The following MBD5 variants were observed in gnomAD, a reference collection of about 807,000 sequenced individuals.
MBD5 encodes methyl-CpG binding domain protein 5.
A neutral mutation model predicts 117.3 loss-of-function variants in MBD5; 13 were observed. The observed-to-expected ratio is 0.11, with a 90% CI of 0.07 to 0.18. MBD5 has a LOEUF of 0.18. Ranked by LOEUF, MBD5 falls within the 10% of genes least tolerant of loss-of-function variation. MBD5 has a pLI of 1.00. For missense variants in MBD5, 1,879 were observed against 2,093.8 expected (o/e 0.90, Z 2.00); for synonymous variants, 727 against 766.4 (o/e 0.95, Z 0.85).
At chr2:148,429,658 A>C (rs1559067880) in intron 4 of MBD5, among the ~76,000 whole-genome samples, 1 of 152,190 alleles carries the variant, frequency 6.6e-6, no homozygotes. Context: ...ATGGAATGCT[A>C]TGCAGCCATG....
chr2:148,042,825 AT>A (rs1694401747), intron 1 of MBD5, among the ~76,000 whole-genome samples: 1 of 152,174 alleles, frequency 6.6e-6, no homozygotes, highest in South Asian at 2.1e-4. Context: ...GCTGAAAGAA[AT>A]TTTACAAATA....
rs1269604835 is a variant in MBD5 at position 148,370,658 on chromosome 2, T to C, written c.-557+28322T>C. ...TGTGCACCACTACACTTGGCTAATG[T>C]ATGTATTTTTAGTAGAGACAGGGTT... On this transcript the variant is annotated intron_variant, in intron 4 of 13. Coordinates refer to ENST00000642680, the MANE Select transcript of MBD5 (RefSeq NM_001378120.1). Among the ~76,000 whole-genome samples the C allele has an allele frequency of 3.3e-5, 5 of 152,054 alleles. No individual in the cohort carries two copies. In the East Asian group the frequency reaches 9.7e-4, roughly 29 times the overall value.
At chr2:148,307,749 G>A (rs1024430048) in intron 3 of MBD5, among the ~76,000 whole-genome samples, 4 of 152,024 alleles carry the variant, frequency 2.6e-5, no homozygotes, top group East Asian at 1.9e-4. Context: ...CCATCAACCC[G>A]TCATCTACAT....
chr2:148,368,973 T>C (rs1703778881), intron 4 of MBD5, among the ~76,000 whole-genome samples: 1 of 152,154 alleles, frequency 6.6e-6, no homozygotes, highest in Admixed American at 6.6e-5. Flanking sequence ...GTGATCATAG[T>C]TACCACCACC....
At chr2:148,045,665 A>C (rs954253319) in intron 1 of MBD5, among the ~76,000 whole-genome samples, 1 of 152,164 alleles carries the variant, frequency 6.6e-6, no homozygotes, top group African/African-American at 2.4e-5. Flanking sequence ...ATAACTGGTA[A>C]ATAAACAACT....
chr2:148,097,595 T>C (rs1379206039), intron 1 of MBD5, among the ~76,000 whole-genome samples: 1 of 152,132 alleles, frequency 6.6e-6, no homozygotes, highest in Admixed American at 6.6e-5. Context: ...AAGGGAGAGT[T>C]TGAGAATCCC....
chr2:148,245,829 T>C (rs13004430), intron 3 of MBD5, among the ~76,000 whole-genome samples: 35,157 of 152,064 alleles, frequency 0.23, 4,451 homozygotes, highest in East Asian at 0.53. Context: ...CTTTCCTGTT[T>C]GTTTACATGA....
intron 3 of MBD5, among the ~76,000 whole-genome samples, chr2:148,262,172 T>C (rs571107038): frequency 4.1e-4 from 62 of 152,166 alleles, no homozygotes; most frequent in African/African-American, 9.2e-4. Context: ...ATGGCACCCA[T>C]AGACTTGCTG....
intron 1 of MBD5, among the ~76,000 whole-genome samples, chr2:148,091,981 C>T (rs916902312): frequency 3.3e-5 from 5 of 151,994 alleles, no homozygotes; most frequent in African/African-American, 9.7e-5. Context: ...GAAACAGTCC[C>T]ATCAAAAAGT....
At chr2:148,239,445 G>A (rs1700162517) in intron 3 of MBD5, among the ~76,000 whole-genome samples, 1 of 152,004 alleles carries the variant, frequency 6.6e-6, no homozygotes, top group African/African-American at 2.4e-5. Context: ...TTTAGAGATG[G>A]TATAGCATTT....
intron 4 of MBD5, among the ~76,000 whole-genome samples, chr2:148,390,916 C>T (rs1052023971): frequency 1.6e-4 from 24 of 152,148 alleles, no homozygotes; most frequent in African/African-American, 5.6e-4. Context: ...CTATGCACGT[C>T]CTTTTTGGTG....
At chr2:148,115,967 C>G (rs925995058) in intron 1 of MBD5, among the ~76,000 whole-genome samples, 1 of 152,076 alleles carries the variant, frequency 6.6e-6, no homozygotes, top group African/African-American at 2.4e-5. Flanking sequence ...CCTCAGCCTC[C>G]CAAGTAGCTG....
intron 3 of MBD5, among the ~76,000 whole-genome samples, chr2:148,331,963 TAAAAC>T (rs1196832075): frequency 1.3e-5 from 2 of 152,098 alleles, no homozygotes; most frequent in Non-Finnish European, 2.9e-5. Context: ...TAACAGAAGA[TAAAAC>T]AAAATCTAGA....
At chr2:148,031,851 G>A (rs141948539) in intron 1 of MBD5, among the ~76,000 whole-genome samples, 64 of 152,116 alleles carry the variant, frequency 4.2e-4, no homozygotes, top group Admixed American at 2.0e-4. Context: ...TTGATCCCTA[G>A]GATCAATAGT....
chr2:148,081,275 T>A (rs1218360319), intron 1 of MBD5, among the ~76,000 whole-genome samples: 1 of 152,206 alleles, frequency 6.6e-6, no homozygotes, highest in African/African-American at 2.4e-5. Flanking sequence ...TGACTGTCTT[T>A]TAAAATTGTT....
intron 4 of MBD5, among the ~76,000 whole-genome samples, chr2:148,413,175 G>A (rs1156269970): frequency 6.6e-6 from 1 of 152,052 alleles, no homozygotes; most frequent in African/African-American, 2.4e-5. Flanking sequence ...TAACATAAAA[G>A]ATGTTAAATT....
intron 1 of MBD5, among the ~76,000 whole-genome samples, chr2:148,152,461 G>T (rs1360869833): frequency 6.6e-6 from 1 of 152,028 alleles, no homozygotes; most frequent in African/African-American, 2.4e-5. Context: ...AGGTCCGCTT[G>T]CTGCAGAGCT....
chr2:148,458,489 G>A lies in MBD5; in HGVS notation c.-270G>A. 1 of 585,740 alleles carries A rather than the reference G, an allele frequency of 1.7e-6. No individual in the cohort carries two copies. The highest frequency in any genetic ancestry group is 3.0e-6 in the Non-Finnish European group (1 of 329,248). The allele number at this position is 585,740 out of a possible 1,614,324, so 36.3% of individuals were successfully genotyped here. ...CATTGGTGAATTATGATTTTCCTTA[G>A]TCAGAAGCACTCATTTTTACCCATG... On this transcript the variant is annotated 5_prime_UTR_variant, in exon 5 of 14. Transcript: ENST00000642680.
At chr2:148,493,049 C>T (rs1681578681) in intron 11 of MBD5, among the ~76,000 whole-genome samples, 1 of 151,084 alleles carries the variant, frequency 6.6e-6, no homozygotes. Flanking sequence ...CCTTAGTTTA[C>T]CTTCTGTACA....
Sources: gnomAD v4.1 joint callset for allele counts (sites outside exome capture counted in the v4.1 genomes callset) on GRCh38, gnomAD v4.1.1 for gene constraint, MANE v1.5 for transcripts, NCBI Gene and HGNC (gene_info 2026-07-23, HGNC 2026-07-21) for gene names.